SHROOM3: variants seen among roughly 807,000 people sequenced by gnomAD.
SHROOM3 encodes the protein shroom family member 3.
SHROOM3 carries 47 observed loss-of-function variants against 138.6 expected under a neutral mutation model. The ratio of observed to expected loss-of-function variants is 0.34; its 90% CI spans 0.27 to 0.43. The LOEUF is 0.43. Ranked by LOEUF, SHROOM3 falls within the 20% of genes least tolerant of loss-of-function variation. The pLI is 1.00. For missense variants in SHROOM3, 2,491 were observed against 2,596.5 expected (o/e 0.96, Z 0.88); for synonymous variants, 1,062 against 1,063.3 (o/e 1.00, Z 0.02).
intron 1 of SHROOM3, among the ~76,000 whole-genome samples, chr4:76,497,627 G>T (rs1731996857): frequency 2.0e-5 from 3 of 152,316 alleles, no homozygotes; most frequent in South Asian, 4.1e-4. Context: ...GGAGGCTGAG[G>T]TGGGCAGATC....
chr4:76,622,821 C>T (rs1314803944), intron 2 of SHROOM3, among the ~76,000 whole-genome samples: 1 of 151,968 alleles, frequency 6.6e-6, no homozygotes, highest in Non-Finnish European at 1.5e-5. Flanking sequence ...TTTTTCTTCT[C>T]AGGTTTATAG....
chr4:76,655,299 A>G (rs1457859316), intron 2 of SHROOM3, among the ~76,000 whole-genome samples: 1 of 152,064 alleles, frequency 6.6e-6, no homozygotes, highest in Non-Finnish European at 1.5e-5. Context: ...TTGTTTAATC[A>G]CTCACCATGT....
intron 2 of SHROOM3, among the ~76,000 whole-genome samples, chr4:76,688,136 T>C (rs1719393863): frequency 1.3e-5 from 2 of 152,206 alleles, no homozygotes; most frequent in Non-Finnish European, 2.9e-5. Flanking sequence ...CCTCTCTGCT[T>C]CCAATGCCTA....
At position 76,739,105 on chromosome 4, in the gene SHROOM3, A is replaced by G. The variant is rs754121390; in HGVS notation, c.932A>G (p.Tyr311Cys). ...QADIRYVKTV[Y>C]DTRRGVSAEY... Reference sequence around the variant, plus strand: ...GATATTCGCTATGTCAAGACAGTCTATGACACCCGGAGGGGAGTCTCAGCA... The same window carrying G: ...GATATTCGCTATGTCAAGACAGTCTGTGACACCCGGAGGGGAGTCTCAGCA... The change falls in exon 5 of 11, where the codon TAT becomes TGT. Residue 311 changes from tyrosine (Y) to cysteine (C), a missense_variant. Coordinates refer to ENST00000296043, the MANE Select transcript of SHROOM3 (RefSeq NM_020859.4). The G allele has an allele frequency of 3.1e-6, 5 of 1,614,208 alleles. No homozygotes were observed. The highest frequency in any genetic ancestry group is 1.1e-5 in the South Asian group (1 of 91,090).
chr4:76,680,091 C>G (rs1719145652), intron 2 of SHROOM3, among the ~76,000 whole-genome samples: 1 of 151,730 alleles, frequency 6.6e-6, no homozygotes, highest in Non-Finnish European at 1.5e-5. Flanking sequence ...CAACCAGAAT[C>G]AGTTTTAAGC....
intron 2 of SHROOM3, among the ~76,000 whole-genome samples, chr4:76,566,448 C>A (rs1733727954): frequency 6.6e-6 from 1 of 152,128 alleles, no homozygotes; most frequent in Admixed American, 6.5e-5. Flanking sequence ...AAAAACCACA[C>A]TTTGTATACC....
At chr4:76,474,585 G>A (rs969839518) in intron 1 of SHROOM3, among the ~76,000 whole-genome samples, 12 of 152,152 alleles carry the variant, frequency 7.9e-5, no homozygotes, top group African/African-American at 2.9e-4. Flanking sequence ...ATTATAAAAG[G>A]CTTTATTAGT....
At chr4:76,583,275 A>T (rs1170767606) in intron 2 of SHROOM3, among the ~76,000 whole-genome samples, 1 of 152,024 alleles carries the variant, frequency 6.6e-6, no homozygotes, top group Non-Finnish European at 1.5e-5. Flanking sequence ...AGACTTGAGG[A>T]CCCCTGAGCT....
chr4:76,467,338 T>C (rs1456512567), intron 1 of SHROOM3, among the ~76,000 whole-genome samples: 3 of 152,122 alleles, frequency 2.0e-5, no homozygotes, highest in Non-Finnish European at 2.9e-5. Context: ...CGAGCCACCA[T>C]AGCCAGCTCC....
At chr4:76,659,629 T>G (rs1736141294) in intron 2 of SHROOM3, among the ~76,000 whole-genome samples, 1 of 152,196 alleles carries the variant, frequency 6.6e-6, no homozygotes. Context: ...TTGCCCAGGC[T>G]GAAGTGCTGT....
At chr4:76,690,539 T>A (rs1001929454) in intron 2 of SHROOM3, among the ~76,000 whole-genome samples, 5 of 152,212 alleles carry the variant, frequency 3.3e-5, no homozygotes, top group Non-Finnish European at 7.3e-5. Context: ...CAGAGAGAGT[T>A]CTGTGCATTT....
chr4:76,528,655 C>T (rs1337382800), intron 1 of SHROOM3, among the ~76,000 whole-genome samples: 8 of 150,252 alleles, frequency 5.3e-5, no homozygotes, highest in African/African-American at 7.4e-5. Flanking sequence ...CGGGTTCAAG[C>T]GATTCTCCTG....
intron 2 of SHROOM3, among the ~76,000 whole-genome samples, chr4:76,674,111 C>T (rs150620900): frequency 0.018 from 2,783 of 151,982 alleles, 84 homozygotes; most frequent in African/African-American, 0.061. Flanking sequence ...TGGCCTCAAG[C>T]GATCCTCCCA....
intron 1 of SHROOM3, among the ~76,000 whole-genome samples, chr4:76,468,781 G>A (rs1432202567): frequency 1.3e-5 from 2 of 152,082 alleles, no homozygotes; most frequent in African/African-American, 4.8e-5. Flanking sequence ...TGTAATTCCA[G>A]CACTTTGGGA....
chr4:76,608,264 G>C (rs1414919744), intron 2 of SHROOM3, among the ~76,000 whole-genome samples: 1 of 152,200 alleles, frequency 6.6e-6, no homozygotes, highest in Non-Finnish European at 1.5e-5. Flanking sequence ...TCGTTCATCA[G>C]TGAGCCTGGT....
chr4:76,746,273 C>T (rs2110138160), intron 5 of SHROOM3, among the ~76,000 whole-genome samples: 1 of 152,288 alleles, frequency 6.6e-6, no homozygotes, highest in Admixed American at 6.5e-5. Flanking sequence ...ACATTTATTA[C>T]TATTTCAGTC....
chr4:76,708,300 A>G (rs758780253), intron 2 of SHROOM3, among the ~76,000 whole-genome samples: 5 of 151,412 alleles, frequency 3.3e-5, no homozygotes, highest in Non-Finnish European at 7.4e-5. Context: ...CCACTCCTAG[A>G]CCTCTGTCTC....
At chr4:76,619,324 G>T (rs1734949056) in intron 2 of SHROOM3, among the ~76,000 whole-genome samples, 1 of 152,102 alleles carries the variant, frequency 6.6e-6, no homozygotes. Context: ...TCTCTGTGGA[G>T]CCCCGTGATC....
chr4:76,446,990 C>T (rs573214883), intron 1 of SHROOM3, among the ~76,000 whole-genome samples: 2 of 152,286 alleles, frequency 1.3e-5, no homozygotes, highest in East Asian at 1.9e-4. Flanking sequence ...AAGGCCTACT[C>T]GCCGGCTTTC....
Sources: gnomAD v4.1 joint callset for allele counts (sites outside exome capture counted in the v4.1 genomes callset) on GRCh38, gnomAD v4.1.1 for gene constraint, MANE v1.5 for transcripts, NCBI Gene and HGNC (gene_info 2026-07-23, HGNC 2026-07-21) for gene names.